TTLL1: variants seen among roughly 807,000 people sequenced by gnomAD.
TTLL1 encodes TTL family tubulin polyglutamylase complex subunit L1, also known as polyglutamylase complex subunit TTLL1.
In TTLL1, 33 loss-of-function variants were observed where a neutral mutation model predicts 47.8. The observed-to-expected ratio is 0.69, with a 90% CI of 0.52 to 0.92. The LOEUF is 0.92. TTLL1 is among the 40% of genes least tolerant of loss of function. TTLL1 has a pLI of 0.00. For synonymous variants in TTLL1, 225 were observed against 214.1 expected (o/e 1.05, Z -0.45); for missense variants, 488 against 547.5 (o/e 0.89, Z 1.08).
At chr22:43,050,192 C>A (rs559931642) in intron 9 of TTLL1, among the ~76,000 whole-genome samples, 1 of 152,040 alleles carries the variant, frequency 6.6e-6, no homozygotes, top group African/African-American at 2.4e-5. Context: ...CCGAGGTGGG[C>A]AGATCACGAG....
intron 3 of TTLL1, among the ~76,000 whole-genome samples, chr22:43,071,383 C>T (rs1470052382): frequency 6.6e-6 from 1 of 151,966 alleles, no homozygotes; most frequent in Non-Finnish European, 1.5e-5. Context: ...GTCTGTAATC[C>T]AGCACTTTTG....
intron 5 of TTLL1, among the ~76,000 whole-genome samples, chr22:43,064,938 GAGTTCGAGACC>G (rs1927631209): frequency 6.6e-6 from 1 of 152,024 alleles, no homozygotes; most frequent in African/African-American, 2.4e-5. Context: ...CTGAGGTCAG[GAGTTCGAGACC>G]AGCCTGGCCA....
chr22:43,088,086 T>G (rs1929355338), intron 1 of TTLL1, among the ~76,000 whole-genome samples: 1 of 151,118 alleles, frequency 6.6e-6, no homozygotes, highest in Admixed American at 6.6e-5. Context: ...AGGCAGAGGT[T>G]GCAGTGAGCC....
intron 2 of TTLL1, among the ~76,000 whole-genome samples, chr22:43,079,640 T>C (rs1212329399): frequency 6.6e-6 from 1 of 152,154 alleles, no homozygotes; most frequent in Non-Finnish European, 1.5e-5. Context: ...GACATCTACC[T>C]GGAGGTGACA....
In TTLL1 at chr22:43,046,530, CG is replaced by C; in HGVS notation, c.1021del (p.Arg341GlufsTer7). Reference sequence around the variant, plus strand: ...ATTAATCAGGTTGTACTTGAGGATTCGGTCATTGGCAGTGCTGGACGTGAGA... The same window carrying C: ...ATTAATCAGGTTGTACTTGAGGATTCGTCATTGGCAGTGCTGGACGTGAGA... ...PSLTSSTAND[R>X]ILKYNLINDT... On this transcript the variant is annotated frameshift_variant, in exon 10 of 11. Coordinates refer to ENST00000266254, the MANE Select transcript of TTLL1 (RefSeq NM_012263.5). LOFTEE classifies it high-confidence loss of function. 1 of 1,614,114 alleles carries C rather than the reference CG, an allele frequency of 6.2e-7. No homozygotes were observed. The highest frequency in any genetic ancestry group is 8.5e-7 in the Non-Finnish European group (1 of 1,180,036).
At chr22:43,048,767 T>C (rs1344620780) in intron 9 of TTLL1, among the ~76,000 whole-genome samples, 1 of 151,340 alleles carries the variant, frequency 6.6e-6, no homozygotes, top group Non-Finnish European at 1.5e-5. Flanking sequence ...TAAAACCCCA[T>C]CTCTACTAAA....
rs1056966513 is a variant in TTLL1, at chr22:43,069,616, C to T, written c.322+20G>A. 3.1e-6 allele frequency: 5 copies of T among 1,613,722 alleles called. No individual in the cohort carries two copies. In the African/African-American group the frequency reaches 5.3e-5, roughly 17 times the overall value. On this transcript the variant is annotated intron_variant, in intron 4 of 10. Transcript: ENST00000266254. ...TTCAGCTGTTTACTGAAAACATGAG[C>T]CGGTGGAAGACGCACAAACCCAGAT...
intron 10 of TTLL1, among the ~76,000 whole-genome samples, chr22:43,042,545 G>A (rs1297370849): frequency 6.6e-6 from 1 of 152,266 alleles, no homozygotes; most frequent in Non-Finnish European, 1.5e-5. Context: ...GCCAGGCCTT[G>A]TAGGGCCACA....
chr22:43,062,324 C>A (rs1927437571), intron 7 of TTLL1, among the ~76,000 whole-genome samples: 1 of 151,888 alleles, frequency 6.6e-6, no homozygotes, highest in Non-Finnish European at 1.5e-5. Context: ...AATCCCATCT[C>A]TACTAAAAAT....
rs1926683247 is a variant in TTLL1, at chr22:43,052,161, T to C, written c.892-274A>G. On this transcript the variant is annotated intron_variant, in intron 8 of 10. Transcript: ENST00000266254. ...AGAGGCTTGACTAGCACCCAACCCC[T>C]CTGTTGGCGTGAGACTGTCATCAGA... is the stretch of plus-strand genomic sequence containing the variant. The C allele has an allele frequency of 6.8e-6, 3 of 441,254 alleles. No individual in the cohort carries two copies. In the East Asian group the frequency reaches 1.4e-4, roughly 20 times the overall value. The allele number at this position is 441,254 out of a possible 1,614,324, so 27.3% of individuals were successfully genotyped here.
At chr22:43,041,902 G>A (rs1286939952) in intron 10 of TTLL1, among the ~76,000 whole-genome samples, 1 of 152,108 alleles carries the variant, frequency 6.6e-6, no homozygotes, top group Non-Finnish European at 1.5e-5. Flanking sequence ...ATGATACAGG[G>A]GCCTGCTTCC....
chr22:43,073,481 C>T (rs992106473), intron 3 of TTLL1, among the ~76,000 whole-genome samples: 5 of 151,864 alleles, frequency 3.3e-5, no homozygotes, highest in South Asian at 2.1e-4. Context: ...CTCAGCCTCC[C>T]GGGCAGCTAG....
At chr22:43,043,736 C>G (rs966041072) in intron 10 of TTLL1, among the ~76,000 whole-genome samples, 1 of 152,108 alleles carries the variant, frequency 6.6e-6, no homozygotes, top group Non-Finnish European at 1.5e-5. Flanking sequence ...CTCCCACCCC[C>G]CATACTCCTG....
chr22:43,073,594 G>A (rs554778768), intron 3 of TTLL1, among the ~76,000 whole-genome samples: 103 of 151,982 alleles, frequency 6.8e-4, no homozygotes, highest in African/African-American at 2.4e-3. Flanking sequence ...GACCTCAGGT[G>A]ATGCACCCGC....
intron 2 of TTLL1, 135 bp from the exon 3 acceptor site, chr22:43,075,725 C>T (rs1744415151): frequency 1.3e-6 from 1 of 765,066 alleles, no homozygotes; most frequent in Middle Eastern, 3.4e-4. Context: ...AGGAGTGATT[C>T]CATCTCCCAG....
intron 2 of TTLL1, among the ~76,000 whole-genome samples, chr22:43,079,553 C>A (rs1431173451): frequency 6.6e-6 from 1 of 152,256 alleles, no homozygotes; most frequent in Non-Finnish European, 1.5e-5. Context: ...ACCCCCCAAC[C>A]ACCGCCGTCC....
chr22:43,042,597 T>A (rs1283484433), intron 10 of TTLL1, among the ~76,000 whole-genome samples: 1 of 152,208 alleles, frequency 6.6e-6, no homozygotes, highest in Non-Finnish European at 1.5e-5. Flanking sequence ...ATGCGGCCAG[T>A]GTCCTCTGCT....
intron 5 of TTLL1, 110 bp downstream of exon 5, chr22:43,068,300 G>T: frequency 1.0e-6 from 1 of 971,466 alleles, no homozygotes; most frequent in Non-Finnish European, 1.4e-6. Context: ...CTGGGCGACA[G>T]AGTGAGACTC....
In TTLL1 at chr22:43,069,662, T is replaced by C. The variant is rs189827565; in HGVS notation, c.296A>G (p.Asp99Gly). Residue 99 changes from aspartate to glycine, a missense_variant, in exon 4 of 11, where the codon GAT becomes GGT. By Grantham distance (94) the Asp-to-Gly change is moderately conservative. Coordinates refer to ENST00000266254, the MANE Select transcript of TTLL1 (RefSeq NM_012263.5). Reference sequence around the variant, plus strand: ...CAGATAGAGGTATTTTCCATTTTCATCTTTTTCTGCCAGAGGACTCCCTTC... The same window carrying C: ...CAGATAGAGGTATTTTCCATTTTCACCTTTTTCTGCCAGAGGACTCCCTTC... ...EKEGSPLAEK[D>G]ENGKYLYLDF... 21 of 1,614,258 alleles carry C rather than the reference T, an allele frequency of 1.3e-5. No individual in the cohort carries two copies. Among genetic ancestry groups the C allele is most frequent in the Non-Finnish European group, 1.8e-5 (21 of 1,180,050 alleles).
Sources: allele counts gnomAD v4.1 joint callset (sites outside exome capture counted in the v4.1 genomes callset), GRCh38; gene constraint gnomAD v4.1.1; transcripts MANE v1.5; gene names NCBI Gene and HGNC (gene_info 2026-07-23, HGNC 2026-07-21).